Variants in LUZP2 observed in about 807,000 individuals in gnomAD.
LUZP2 encodes leucine zipper protein 2.
Under a neutral mutation model 51.6 loss-of-function variants are expected in LUZP2, and 52 were observed. The ratio of observed to expected loss-of-function variants is 1.01; its 90% CI spans 0.81 to 1.27. The LOEUF (loss-of-function observed/expected upper bound fraction) is 1.27, where lower values mean the gene tolerates loss of function less well. Ranked by LOEUF, LUZP2 falls within the 50% of genes most tolerant of loss-of-function variation. LUZP2 has a pLI of 0.00. For synonymous variants in LUZP2, 154 were observed against 137.3 expected (o/e 1.12, Z -0.85); for missense variants, 436 against 395.4 (o/e 1.10, Z -0.87).
intron 9 of LUZP2, among the ~76,000 whole-genome samples, chr11:25,025,587 A>G (rs1211947123): frequency 6.6e-6 from 1 of 152,178 alleles, no homozygotes; most frequent in Non-Finnish European, 1.5e-5. Flanking sequence ...TCAAAACCAC[A>G]ATGAGATACC....
chr11:24,634,618 T>G (rs1227826726), intron 1 of LUZP2, among the ~76,000 whole-genome samples: 2 of 137,642 alleles, frequency 1.5e-5, no homozygotes, highest in African/African-American at 5.7e-5. Flanking sequence ...TAATTTTTTC[T>G]GGATTTATAA....
intron 5 of LUZP2, among the ~76,000 whole-genome samples, chr11:24,774,240 T>C (rs1437056053): frequency 6.6e-6 from 1 of 150,404 alleles, no homozygotes; most frequent in Non-Finnish European, 1.5e-5. Flanking sequence ...TCTTCAGCTC[T>C]GGAACTCGGA....
chr11:24,602,158 G>GTATATGTGTA (rs1853708055), intron 1 of LUZP2, among the ~76,000 whole-genome samples: 2 of 122,990 alleles, frequency 1.6e-5, no homozygotes, highest in African/African-American at 6.7e-5. Context: ...ATGTATATAT[G>GTATATGTGTA]TATATATGTG....
intron 9 of LUZP2, among the ~76,000 whole-genome samples, chr11:25,037,890 A>G (rs944337348): frequency 1.3e-5 from 2 of 151,036 alleles, no homozygotes; most frequent in African/African-American, 2.4e-5. Context: ...TGCCTTTAAG[A>G]TTTTTTCTTT....
intron 5 of LUZP2, among the ~76,000 whole-genome samples, chr11:24,785,272 A>G (rs1053775219): frequency 6.6e-6 from 1 of 152,072 alleles, no homozygotes; most frequent in Admixed American, 6.6e-5. Context: ...ACACTAAGGA[A>G]TTACTACACT....
chr11:24,918,764 A>G (rs575832018), intron 7 of LUZP2, among the ~76,000 whole-genome samples: 1 of 149,790 alleles, frequency 6.7e-6, no homozygotes, highest in East Asian at 1.9e-4. Context: ...CATATTTTAT[A>G]TTTCTGTCTA....
chr11:24,562,508 C>T (rs985135814), intron 1 of LUZP2, among the ~76,000 whole-genome samples: 2 of 151,626 alleles, frequency 1.3e-5, no homozygotes, highest in African/African-American at 2.4e-5. Context: ...AAGAGAATTT[C>T]GAGATAGATG....
At chr11:25,070,968 G>T (rs1859140719) in intron 10 of LUZP2, among the ~76,000 whole-genome samples, 1 of 151,696 alleles carries the variant, frequency 6.6e-6, no homozygotes, top group African/African-American at 2.4e-5. Context: ...TTTTCTTGTG[G>T]CAGGGTCCAA....
chr11:25,063,101 A>G (rs1362854682), intron 10 of LUZP2, among the ~76,000 whole-genome samples: 2 of 151,598 alleles, frequency 1.3e-5, no homozygotes, highest in Admixed American at 6.6e-5. Flanking sequence ...GATTTAACCA[A>G]CCACGGATCA....
intron 1 of LUZP2, among the ~76,000 whole-genome samples, chr11:24,650,487 G>A (rs535106359): frequency 2.0e-5 from 3 of 151,996 alleles, no homozygotes; most frequent in South Asian, 2.1e-4. Flanking sequence ...AAAAGATTCC[G>A]AAGAGCCATC....
At chr11:24,708,269 T>C (rs143531694) in intron 1 of LUZP2, among the ~76,000 whole-genome samples, 101 of 152,290 alleles carry the variant, frequency 6.6e-4, no homozygotes, top group African/African-American at 2.4e-3. Context: ...ACTAATCTCT[T>C]CCACAAGAAA....
chr11:24,915,429 A>G (rs1018914239), intron 7 of LUZP2, among the ~76,000 whole-genome samples: 9 of 152,148 alleles, frequency 5.9e-5, no homozygotes, highest in African/African-American at 2.2e-4. Flanking sequence ...CAATCAAAGC[A>G]GAAAAAGGAG....
chr11:24,648,651 G>A (rs1855535665), intron 1 of LUZP2, among the ~76,000 whole-genome samples: 1 of 151,934 alleles, frequency 6.6e-6, no homozygotes, highest in African/African-American at 2.4e-5. Flanking sequence ...AGATTCAAGA[G>A]TAGGAGTCCA....
intron 1 of LUZP2, among the ~76,000 whole-genome samples, chr11:24,592,938 C>A (rs1011024997): frequency 2.6e-5 from 4 of 152,180 alleles, no homozygotes; most frequent in African/African-American, 9.6e-5. Context: ...ATTGGTGATG[C>A]ACATAAGTCA....
intron 1 of LUZP2, among the ~76,000 whole-genome samples, chr11:24,714,609 C>A (rs1015787852): frequency 2.6e-5 from 4 of 152,252 alleles, no homozygotes; most frequent in African/African-American, 9.6e-5. Context: ...CACCCCCCAA[C>A]CCCTAACCCA....
chr11:24,631,969 G>T (rs12279862), intron 1 of LUZP2, among the ~76,000 whole-genome samples: 35,723 of 151,634 alleles, frequency 0.24, 4,792 homozygotes, highest in African/African-American at 0.37. Context: ...GCCTGCTGCT[G>T]CTGCCTATTT....
chr11:24,937,217 A>G (rs533761235), intron 7 of LUZP2, among the ~76,000 whole-genome samples: 12 of 152,352 alleles, frequency 7.9e-5, no homozygotes, highest in Middle Eastern at 3.4e-3. Flanking sequence ...AAATAGAAGC[A>G]TTGTCTACTG....
chr11:24,692,492 T>C (rs1417276601), intron 1 of LUZP2, among the ~76,000 whole-genome samples: 2 of 151,926 alleles, frequency 1.3e-5, no homozygotes, highest in Non-Finnish European at 2.9e-5. Context: ...AAAATATGAG[T>C]TTTCTGTTCA....
chr11:24,777,776 T>G (rs1203589773), intron 5 of LUZP2, among the ~76,000 whole-genome samples: 1 of 152,162 alleles, frequency 6.6e-6, no homozygotes, highest in Non-Finnish European at 1.5e-5. Flanking sequence ...ATTGATTTAC[T>G]TGTTCATTTT....
Sources: allele counts gnomAD v4.1 joint callset (sites outside exome capture counted in the v4.1 genomes callset), GRCh38; gene constraint gnomAD v4.1.1; transcripts MANE v1.5; gene names NCBI Gene and HGNC (gene_info 2026-07-23, HGNC 2026-07-21).